IGSF11: variants seen among roughly 807,000 people sequenced by gnomAD.
The protein encoded by IGSF11 is CXADR like 1.
IGSF11 carries 22 observed loss-of-function variants against 41.0 expected under a neutral mutation model. That is an observed-to-expected ratio of 0.54 (90% CI 0.38 to 0.77). IGSF11 has a LOEUF of 0.77. Among genes scored for constraint, IGSF11 ranks in the 30% least tolerant of loss-of-function variants. The probability of loss-of-function intolerance (pLI) is 0.00; values close to 1 mark genes in which losing one functional copy is unlikely to be tolerated. For synonymous variants in IGSF11, 219 were observed against 201.3 expected (o/e 1.09, Z -0.74); for missense variants, 444 against 530.8 (o/e 0.84, Z 1.61).
rs554529498 is a variant in IGSF11 at position 118,971,689 on chromosome 3, T to C, written c.53-41414A>G. ...CGTGGTGGCAGGCACCTGTAATCCC[T>C]GCTACTCAGGAGGCTGAGGCAGAGA... is the stretch of plus-strand genomic sequence containing the variant. On this transcript the variant is annotated intron_variant, in intron 1 of 6. Coordinates refer to ENST00000393775, the MANE Select transcript of IGSF11 (RefSeq NM_001015887.3). Among the ~76,000 whole-genome samples, 5 of 151,294 alleles carry C rather than the reference T, an allele frequency of 3.3e-5. No homozygotes were observed. In the East Asian group the frequency reaches 5.9e-4, roughly 18 times the overall value.
At chr3:118,977,648 T>G (rs1035727031) in intron 1 of IGSF11, among the ~76,000 whole-genome samples, 3 of 152,136 alleles carry the variant, frequency 2.0e-5, no homozygotes, top group African/African-American at 7.2e-5. Flanking sequence ...CTCCCCAGTG[T>G]GGAGAACGGG....
At chr3:118,924,889 C>G (rs1011723514) in intron 4 of IGSF11, among the ~76,000 whole-genome samples, 5 of 151,902 alleles carry the variant, frequency 3.3e-5, no homozygotes, top group African/African-American at 1.2e-4. Context: ...GTTACAGAAA[C>G]AGTGGAAAAT....
chr3:119,048,699 G>A (rs951913185), intron 1 of IGSF11, among the ~76,000 whole-genome samples: 61 of 151,960 alleles, frequency 4.0e-4, no homozygotes, highest in East Asian at 1.2e-3. Context: ...AACAAAAAAA[G>A]ACAATTTTAG....
At chr3:118,977,965 C>T (rs1266711943) in intron 1 of IGSF11, among the ~76,000 whole-genome samples, 3 of 152,176 alleles carry the variant, frequency 2.0e-5, no homozygotes, top group African/African-American at 4.8e-5. Flanking sequence ...CATGCATTCT[C>T]ATGCATCCTG....
intron 1 of IGSF11, among the ~76,000 whole-genome samples, chr3:119,046,462 T>A (rs941190895): frequency 6.6e-6 from 1 of 151,922 alleles, no homozygotes; most frequent in African/African-American, 2.4e-5. Context: ...TAAAAAGAAA[T>A]GAGCAAAGCC....
chr3:118,971,231 A>G (rs561070495), intron 1 of IGSF11, among the ~76,000 whole-genome samples: 8 of 152,346 alleles, frequency 5.3e-5, no homozygotes, highest in Admixed American at 5.2e-4. Flanking sequence ...ACATTTTTAC[A>G]TACTACATTA....
At chr3:119,007,633 C>G (rs1937595396) in intron 1 of IGSF11, among the ~76,000 whole-genome samples, 1 of 152,108 alleles carries the variant, frequency 6.6e-6, no homozygotes, top group African/African-American at 2.4e-5. Context: ...ATCCTTTCCC[C>G]TTCTCTCCAA....
chr3:118,974,398 T>G (rs982868255), intron 1 of IGSF11, among the ~76,000 whole-genome samples: 4 of 152,162 alleles, frequency 2.6e-5, no homozygotes, highest in African/African-American at 9.7e-5. Context: ...GTATTAGCAA[T>G]GAGAATCATC....
chr3:118,997,484 A>G (rs1197492163), intron 1 of IGSF11, among the ~76,000 whole-genome samples: 1 of 151,968 alleles, frequency 6.6e-6, no homozygotes, highest in Non-Finnish European at 1.5e-5. Flanking sequence ...AAAGCCTGTG[A>G]TTTGCTCACT....
intron 1 of IGSF11, among the ~76,000 whole-genome samples, chr3:119,021,169 A>C (rs547880091): frequency 6.6e-6 from 1 of 152,358 alleles, no homozygotes; most frequent in Non-Finnish European, 1.5e-5. Flanking sequence ...ATACAAATGT[A>C]GGCAGTGGTT....
intron 1 of IGSF11, among the ~76,000 whole-genome samples, chr3:119,142,145 G>A (rs546341949): frequency 6.6e-6 from 1 of 151,784 alleles, no homozygotes; most frequent in African/African-American, 2.4e-5. Context: ...CATGGTGGCG[G>A]GCACCTGTAG....
intron 1 of IGSF11, among the ~76,000 whole-genome samples, chr3:119,033,687 C>T (rs1940632456): frequency 6.6e-6 from 1 of 151,948 alleles, no homozygotes; most frequent in Non-Finnish European, 1.5e-5. Context: ...TTTTAAATAA[C>T]ATCCTTCAGA....
chr3:119,067,904 C>A (rs954279302), intron 1 of IGSF11, among the ~76,000 whole-genome samples: 2 of 152,128 alleles, frequency 1.3e-5, no homozygotes, highest in Non-Finnish European at 2.9e-5. Context: ...CCTTTAAAAA[C>A]GTATTTGTAA....
intron 1 of IGSF11, among the ~76,000 whole-genome samples, chr3:118,989,824 A>G (rs1935617576): frequency 6.6e-6 from 1 of 152,258 alleles, no homozygotes. Flanking sequence ...GTGACATAAC[A>G]GAAGTACTAT....
intron 3 of IGSF11, among the ~76,000 whole-genome samples, chr3:118,927,610 T>TCAA (rs1256508120): frequency 6.6e-6 from 1 of 152,082 alleles, no homozygotes; most frequent in Admixed American, 6.6e-5. Flanking sequence ...CTTAAGTGAC[T>TCAA]CAACAACAAC....
intron 4 of IGSF11, among the ~76,000 whole-genome samples, chr3:118,912,999 C>T (rs773458450): frequency 4.6e-5 from 7 of 151,594 alleles, no homozygotes; most frequent in Non-Finnish European, 8.8e-5. Flanking sequence ...GACTCCATCT[C>T]TTAAAAGAAG....
chr3:119,012,565 G>A lies in IGSF11; in HGVS notation c.52+21966C>T, dbSNP rs747819205. 4.6e-5 allele frequency among the ~76,000 whole-genome samples: 7 copies of A among 152,086 alleles called. No homozygotes were observed. In the South Asian group the frequency reaches 1.0e-3, roughly 23 times the overall value. On this transcript the variant is annotated intron_variant, in intron 1 of 6. Coordinates refer to ENST00000393775, the MANE Select transcript of IGSF11 (RefSeq NM_001015887.3). The stretch of plus-strand genomic sequence containing the variant: ...AAATGGATACAAATGGCTATAATTC[G>A]GTCTCAATACAACACCAGTAACCTC...
At chr3:119,088,981 C>G (rs1031717695) in intron 1 of IGSF11, among the ~76,000 whole-genome samples, 4 of 152,046 alleles carry the variant, frequency 2.6e-5, no homozygotes, top group African/African-American at 9.7e-5. Context: ...AAGTCCTAGA[C>G]CGGATGGATT....
In IGSF11 at chr3:118,902,611, T is replaced by C. The variant is rs1333369942; in HGVS notation, c.1205A>G (p.His402Arg). The C allele has an allele frequency of 6.2e-7, 1 of 1,614,072 alleles. No homozygotes were observed. Among genetic ancestry groups the C allele is most frequent in the Admixed American group, 1.7e-5 (1 of 60,014 alleles). The change falls in exon 7 of 7, where the codon CAT becomes CGT. Residue 402 changes from histidine (H) to arginine (R), a missense_variant. Coordinates refer to ENST00000393775, the MANE Select transcript of IGSF11 (RefSeq NM_001015887.3). Reference protein sequence around the residue: ...VSRKPRPPHTHSYTISHATLE... With the variant: ...VSRKPRPPHTRSYTISHATLE... ...TGTTGCGTGGCTGATGGTGTAGGAA[T>C]GAGTGTGTGGAGGCCGAGGCTTCCT...
Sources: gnomAD v4.1 joint callset for allele counts (sites outside exome capture counted in the v4.1 genomes callset) on GRCh38, gnomAD v4.1.1 for gene constraint, MANE v1.5 for transcripts, NCBI Gene and HGNC (gene_info 2026-07-23, HGNC 2026-07-21) for gene names.